DNAH9: variants seen among roughly 807,000 people sequenced by gnomAD.
The protein encoded by DNAH9 is DNAH9 variant protein.
In DNAH9, 345 loss-of-function variants were observed where a neutral mutation model predicts 471.6. The observed-to-expected ratio is 0.73, with a 90% CI of 0.67 to 0.80. The LOEUF is 0.80. Among genes scored for constraint, DNAH9 ranks in the 30% least tolerant of loss-of-function variants. DNAH9 has a pLI of 0.00. For missense variants in DNAH9, 5,407 were observed against 5,609.2 expected, an observed-to-expected ratio of 0.96 and a Z score of 1.15; for synonymous variants, 2,093 against 2,123.6, an observed-to-expected ratio of 0.99 and a Z score of 0.40.
At chr17:11,602,947 C>T (rs945256421) in intron 1 of DNAH9, among the ~76,000 whole-genome samples, 1 of 152,196 alleles carries the variant, frequency 6.6e-6, no homozygotes, top group Non-Finnish European at 1.5e-5. Context: ...GGCTCCTTCC[C>T]ATTGGCCCTG....
chr17:11,704,305 A>G lies in DNAH9; in HGVS notation c.5254A>G (p.Lys1752Glu). 1 of 1,614,134 alleles carries G rather than the reference A, an allele frequency of 6.2e-7. No homozygotes were observed. Among genetic ancestry groups the G allele is most frequent in the Non-Finnish European group, 8.5e-7 (1 of 1,180,022 alleles). Reference sequence around the variant, plus strand: ...GAGTGCCATGAAGGACTATTATAAGAAGCAAGTGGCCCAGCTCAAAACCCT... The same window carrying G: ...GAGTGCCATGAAGGACTATTATAAGGAGCAAGTGGCCCAGCTCAAAACCCT... ...YESAMKDYYK[K>E]QVAQLKTLIT... The change falls in exon 25 of 69, where the codon AAG becomes GAG. Residue 1752 changes from lysine to glutamate, a missense_variant. Coordinates refer to ENST00000262442, the MANE Select transcript of DNAH9 (RefSeq NM_001372.4).
rs950290324 is a variant in DNAH9, at chr17:11,689,825, G to A, written c.4003G>A (p.Glu1335Lys). 6.2e-7 allele frequency: 1 copy of A among 1,613,822 alleles called. No homozygotes were observed. Among genetic ancestry groups the A allele is most frequent in the African/African-American group, 1.3e-5 (1 of 75,062 alleles). Reference sequence around the variant, plus strand: ...TATCAACGTGGAAGCCATGGAGTTGGAGTGCAAACAGTTTGCCCGGCATAT... The same window carrying A: ...TATCAACGTGGAAGCCATGGAGTTGAAGTGCAAACAGTTTGCCCGGCATAT... The part of the protein sequence containing the change: ...RNINVEAMEL[E>K]CKQFARHIRN... Residue 1335 changes from glutamate to lysine, a missense_variant, in exon 20 of 69, where the codon GAG (glutamate) becomes AAG (lysine). Transcript: ENST00000262442.
chr17:11,615,373 T>C (rs2072720415), intron 4 of DNAH9, among the ~76,000 whole-genome samples: 1 of 151,874 alleles, frequency 6.6e-6, no homozygotes, highest in African/African-American at 2.4e-5. Context: ...TCACTTGAGG[T>C]CAGGAGTTTG....
intron 67 of DNAH9, among the ~76,000 whole-genome samples, chr17:11,948,996 G>A (rs1387647434): frequency 2.0e-5 from 3 of 152,074 alleles, no homozygotes; most frequent in East Asian, 3.9e-4. Context: ...GATCAGAGGC[G>A]CCCTTTTCAA....
chr17:11,644,809 T>C (rs527605288), intron 11 of DNAH9, 110 bp downstream of exon 11: 19 of 753,006 alleles, frequency 2.5e-5, no homozygotes, highest in Non-Finnish European at 4.0e-5. Context: ...TATCACTCTA[T>C]GTTTTATGTT....
intron 67 of DNAH9, among the ~76,000 whole-genome samples, chr17:11,943,752 A>T (rs1314099424): frequency 6.6e-6 from 1 of 152,128 alleles, no homozygotes. Context: ...TCCTTCCTCC[A>T]CCGCACCTCA....
chr17:11,666,922 G>A (rs2073880607), intron 15 of DNAH9, among the ~76,000 whole-genome samples: 1 of 152,128 alleles, frequency 6.6e-6, no homozygotes, highest in Non-Finnish European at 1.5e-5. Flanking sequence ...GGCTTGGGTT[G>A]GTTTCCCTGT....
chr17:11,768,629 G>A lies in DNAH9; in HGVS notation c.7344+3G>A. On this transcript the variant is annotated splice_donor_region_variant and intron_variant, in intron 37 of 68. Coordinates refer to ENST00000262442, the MANE Select transcript of DNAH9 (RefSeq NM_001372.4). ...TTGACCCCGAGATGCCCTTGCAGGTGAGTGCAGCTGAGCAGCCGAGGACGT... is the reference window on the plus strand; with the variant it reads ...TTGACCCCGAGATGCCCTTGCAGGTAAGTGCAGCTGAGCAGCCGAGGACGT... 1 of 1,613,344 alleles carries A rather than the reference G, an allele frequency of 6.2e-7. No homozygotes were observed.
intron 1 of DNAH9, among the ~76,000 whole-genome samples, chr17:11,600,064 G>A (rs967834718): frequency 6.6e-6 from 1 of 152,110 alleles, no homozygotes; most frequent in African/African-American, 2.4e-5. Flanking sequence ...AAAATTCCAG[G>A]GAAAGGGTTG....
intron 57 of DNAH9, among the ~76,000 whole-genome samples, chr17:11,887,242 C>T (rs147339461): frequency 8.5e-5 from 13 of 152,276 alleles, no homozygotes; most frequent in Non-Finnish European, 1.8e-4. Context: ...ACAGTAGGTA[C>T]TATGCTTACT....
chr17:11,908,118 C>T (rs1327313816), intron 61 of DNAH9, among the ~76,000 whole-genome samples: 1 of 152,086 alleles, frequency 6.6e-6, no homozygotes, highest in African/African-American at 2.4e-5. Context: ...TGGTTCCAGT[C>T]CTTGCATATC....
chr17:11,858,312 A>G (rs1297439853), intron 50 of DNAH9, among the ~76,000 whole-genome samples: 2 of 152,236 alleles, frequency 1.3e-5, no homozygotes, highest in Non-Finnish European at 2.9e-5. Flanking sequence ...TTGAGATCAC[A>G]TCAGAGCCTG....
At chr17:11,952,888 G>C (rs1975442367) in intron 67 of DNAH9, among the ~76,000 whole-genome samples, 1 of 152,162 alleles carries the variant, frequency 6.6e-6, no homozygotes. Flanking sequence ...GAGGCTCAAA[G>C]TCTAAGCTCA....
chr17:11,848,603 A>C (rs981320682), intron 49 of DNAH9, among the ~76,000 whole-genome samples: 1 of 152,092 alleles, frequency 6.6e-6, no homozygotes, highest in African/African-American at 2.4e-5. Flanking sequence ...TGTACAAAGA[A>C]TACTAAAAAT....
intron 61 of DNAH9, among the ~76,000 whole-genome samples, chr17:11,907,114 G>C (rs1973628884): frequency 6.6e-6 from 1 of 152,190 alleles, no homozygotes; most frequent in African/African-American, 2.4e-5. Flanking sequence ...TTTTCATGCA[G>C]TGAAGCCTCC....
At position 11,932,284 on chromosome 17, in the gene DNAH9, G is replaced by T; in HGVS notation, c.12297+79G>T. The T allele has an allele frequency of 6.9e-7, 1 of 1,455,276 alleles. No individual in the cohort carries two copies. 90.1% of individuals were successfully genotyped at this position (1,455,276 alleles called of 1,614,324 possible). On this transcript the variant is annotated intron_variant, in intron 64 of 68. Transcript: ENST00000262442. The surrounding 1 kb of genome is among the most constrained non-coding windows in gnomAD (Gnocchi z 4.3). ...TTTAATTTTGAGGGGTGAATCAGAG[G>T]GGTCTAGGATGGGGCCTGAGAATGT... is the stretch of plus-strand genomic sequence containing the variant.
At chr17:11,690,801 A>T (rs2074322279) in intron 20 of DNAH9, among the ~76,000 whole-genome samples, 1 of 152,186 alleles carries the variant, frequency 6.6e-6, no homozygotes, top group Non-Finnish European at 1.5e-5. Flanking sequence ...GTCCACTGAA[A>T]GCGAGTCTCG....
intron 60 of DNAH9, among the ~76,000 whole-genome samples, chr17:11,904,106 C>T (rs1271641922): frequency 6.6e-6 from 1 of 152,036 alleles, no homozygotes; most frequent in Non-Finnish European, 1.5e-5. Context: ...GTAATGACAA[C>T]GATGAGCATG....
intron 13 of DNAH9, among the ~76,000 whole-genome samples, chr17:11,651,682 G>A (rs1010144707): frequency 4.6e-5 from 7 of 152,238 alleles, no homozygotes; most frequent in South Asian, 4.2e-4. Flanking sequence ...GCATCTTAAA[G>A]CAGTATGCAT....
Sources: allele counts gnomAD v4.1 joint callset (sites outside exome capture counted in the v4.1 genomes callset), GRCh38; gene constraint gnomAD v4.1.1; non-coding constraint Gnocchi (gnomAD v3.1); transcripts MANE v1.5; gene names NCBI Gene and HGNC (gene_info 2026-07-23, HGNC 2026-07-21).